The following SPECC1 variants were observed in gnomAD, a reference collection of about 807,000 sequenced individuals.
The protein encoded by SPECC1 is sperm antigen with calponin homology and coiled-coil domains 1, also known as cytospin-B.
SPECC1 carries 62 observed loss-of-function variants against 104.1 expected under a neutral mutation model. That is an observed-to-expected ratio of 0.60 (90% confidence interval 0.49 to 0.74). The LOEUF is 0.74. SPECC1 is among the 30% of genes least tolerant of loss of function. The pLI, the probability that SPECC1 is intolerant of heterozygous loss-of-function variation, is 0.00. For missense variants in SPECC1, 1,306 were observed against 1,310.5 expected (o/e 1.00, Z 0.05); for synonymous variants, 513 against 501.6 (o/e 1.02, Z -0.30).
At chr17:20,254,608 G>A (rs1287190725) in intron 10 of SPECC1, among the ~76,000 whole-genome samples, 1 of 152,150 alleles carries the variant, frequency 6.6e-6, no homozygotes, top group East Asian at 1.9e-4. Flanking sequence ...AGTTAAGGTT[G>A]TCCAGAATAC....
chr17:20,152,765 G>A (rs1471129956), intron 3 of SPECC1, among the ~76,000 whole-genome samples: 1 of 152,022 alleles, frequency 6.6e-6, no homozygotes. Flanking sequence ...TCTGCCTCCC[G>A]GGTTCAAGCG....
intron 3 of SPECC1, among the ~76,000 whole-genome samples, chr17:20,128,025 C>T (rs530289647): frequency 7.2e-5 from 11 of 152,198 alleles, no homozygotes; most frequent in African/African-American, 2.4e-4. Context: ...TGAAAAAAAT[C>T]AATATAATGC....
At chr17:20,217,175 T>C (rs1489724209) in intron 4 of SPECC1, among the ~76,000 whole-genome samples, 2 of 152,234 alleles carry the variant, frequency 1.3e-5, no homozygotes, top group East Asian at 3.9e-4. Flanking sequence ...TGTTATTCTG[T>C]AAAATGAATA....
At chr17:20,176,596 CTG>C (rs578176144) in intron 3 of SPECC1, among the ~76,000 whole-genome samples, 49 of 152,302 alleles carry the variant, frequency 3.2e-4, no homozygotes, top group African/African-American at 1.2e-3. Flanking sequence ...ACTGGCAGGG[CTG>C]TGTTCCTTCT....
chr17:20,156,283 C>CG (rs200072578), intron 3 of SPECC1: 100,954 of 1,326,780 alleles, frequency 0.076, 4,302 homozygotes, highest in Non-Finnish European at 0.085. Flanking sequence ...ACCCCACCCC[C>CG]CCTCCAGGCG....
In SPECC1 at chr17:20,226,021, T is replaced by C. The variant is rs1022362141; in HGVS notation, c.1864-1392T>C. On this transcript the variant is annotated intron_variant, in intron 4 of 14. Transcript: ENST00000395527. Reference sequence around the variant, plus strand: ...TGGTGAATTAAACAGACAAGGTCCCTATTCCCATAGAGCTTATAGCCAGAA... The same window carrying C: ...TGGTGAATTAAACAGACAAGGTCCCCATTCCCATAGAGCTTATAGCCAGAA... Among the ~76,000 whole-genome samples the C allele has an allele frequency of 8.5e-5, 13 of 152,176 alleles. 1 individual carries two copies. The South Asian group carries it at 1.2e-3, about 15-fold the overall frequency.
intron 7 of SPECC1, among the ~76,000 whole-genome samples, chr17:20,233,915 A>G (rs1440689203): frequency 1.3e-5 from 2 of 152,140 alleles, no homozygotes; most frequent in Non-Finnish European, 2.9e-5. Flanking sequence ...TTTAATGATA[A>G]ATGGTAAAAG....
intron 12 of SPECC1, among the ~76,000 whole-genome samples, chr17:20,286,764 C>T (rs1427195415): frequency 6.6e-6 from 1 of 152,216 alleles, no homozygotes; most frequent in East Asian, 1.9e-4. Context: ...CTTAACCCAC[C>T]TACCTGGGAC....
chr17:20,204,631 C>T lies in SPECC1; in HGVS notation c.582C>T (p.Tyr194=). Reference sequence around the variant, plus strand: ...GGCTTCGAAGTGAACTAAAGAAATACAAAGAGAAAAGGACTCTGAACGCTG... The same window carrying T: ...GGCTTCGAAGTGAACTAAAGAAATATAAAGAGAAAAGGACTCTGAACGCTG... ...INRLRSELKK[Y]KEKRTLNAEG... Residue 194 remains tyrosine (Y), a synonymous_variant, in exon 4 of 15, where the codon TAC becomes TAT. Coordinates refer to ENST00000395527, the MANE Select transcript of SPECC1 (RefSeq NM_001243439.2). 1.2e-6 allele frequency: 2 copies of T among 1,614,118 alleles called. No homozygotes were observed. The highest frequency in any genetic ancestry group is 1.7e-6 in the Non-Finnish European group (2 of 1,180,022).
chr17:20,082,189 C>T (rs546063615), intron 1 of SPECC1, among the ~76,000 whole-genome samples: 1 of 152,300 alleles, frequency 6.6e-6, no homozygotes, highest in African/African-American at 2.4e-5. Flanking sequence ...CCTGGAATGC[C>T]CTCTCCTCCA....
At chr17:20,163,504 T>A (rs2033356242) in intron 3 of SPECC1, among the ~76,000 whole-genome samples, 1 of 152,136 alleles carries the variant, frequency 6.6e-6, no homozygotes, top group African/African-American at 2.4e-5. Context: ...ATTATTCTAA[T>A]AAACTTAGTG....
At chr17:20,198,627 G>A (rs1177520341) in intron 3 of SPECC1, among the ~76,000 whole-genome samples, 1 of 152,178 alleles carries the variant, frequency 6.6e-6, no homozygotes, top group Non-Finnish European at 1.5e-5. Flanking sequence ...ACCCAAGAAG[G>A]CCTTTACTGA....
chr17:20,163,082 A>C (rs771745516), intron 3 of SPECC1, among the ~76,000 whole-genome samples: 1 of 152,226 alleles, frequency 6.6e-6, no homozygotes, highest in Non-Finnish European at 1.5e-5. Context: ...GGTAATACAT[A>C]GTAAAAAATC....
At chr17:20,153,180 C>T (rs919642902) in intron 3 of SPECC1, among the ~76,000 whole-genome samples, 9 of 152,046 alleles carry the variant, frequency 5.9e-5, no homozygotes, top group Non-Finnish European at 8.8e-5. Context: ...GTGTTGAAAC[C>T]GACGGAATAT....
intron 3 of SPECC1, among the ~76,000 whole-genome samples, chr17:20,148,803 T>C (rs12952398): frequency 0.3 from 44,936 of 152,042 alleles, 8,338 homozygotes; most frequent in Middle Eastern, 0.41. Context: ...CACTGCAGCC[T>C]CTGCCTCCCA....
At chr17:20,166,009 A>G (rs1356854205) in intron 3 of SPECC1, among the ~76,000 whole-genome samples, 1 of 152,218 alleles carries the variant, frequency 6.6e-6, no homozygotes, top group Non-Finnish European at 1.5e-5. Context: ...CCTTCTTGAC[A>G]GTTAAAACAA....
At chr17:20,070,274 T>C (rs1477292134) in intron 1 of SPECC1, among the ~76,000 whole-genome samples, 3 of 152,182 alleles carry the variant, frequency 2.0e-5, no homozygotes, top group African/African-American at 7.2e-5. Context: ...CTTTATCAAG[T>C]TGAGGAAGTT....
chr17:20,193,782 G>C (rs2035824766), intron 3 of SPECC1, among the ~76,000 whole-genome samples: 1 of 152,174 alleles, frequency 6.6e-6, no homozygotes, highest in Non-Finnish European at 1.5e-5. Flanking sequence ...TCCATGAACT[G>C]GGCAACTGTT....
chr17:20,305,648 AATCTATATATACT>A (rs1166401999), intron 13 of SPECC1: 8 of 163,254 alleles, frequency 4.9e-5, no homozygotes, highest in Admixed American at 4.3e-4. Context: ...ATTTAAATAC[AATCTATATATACT>A]ATAATATATG....
Sources: allele counts gnomAD v4.1 joint callset (sites outside exome capture counted in the v4.1 genomes callset), GRCh38; gene constraint gnomAD v4.1.1; transcripts MANE v1.5; gene names NCBI Gene and HGNC (gene_info 2026-07-23, HGNC 2026-07-21).